PTPRM: variants seen among roughly 807,000 people sequenced by gnomAD.
The protein encoded by PTPRM is protein tyrosine phosphatase receptor type M.
PTPRM carries 47 observed loss-of-function variants against 186.7 expected under a neutral mutation model. The observed-to-expected ratio is 0.25, with a 90% CI of 0.20 to 0.32. PTPRM has a LOEUF of 0.32. Ranked by LOEUF, PTPRM falls within the 10% of genes least tolerant of loss-of-function variation. The pLI is 1.00. For synonymous variants in PTPRM, 668 were observed against 674.9 expected (o/e 0.99, Z 0.16); for missense variants, 1,494 against 1,865.0 (o/e 0.80, Z 3.66).
At chr18:8,023,584 A>G (rs999385829) in intron 7 of PTPRM, among the ~76,000 whole-genome samples, 7 of 152,154 alleles carry the variant, frequency 4.6e-5, no homozygotes, top group Non-Finnish European at 1.5e-5. Flanking sequence ...TTGGTACACA[A>G]ATAGTTTTAG....
At chr18:7,878,246 T>A (rs777654705) in intron 2 of PTPRM, among the ~76,000 whole-genome samples, 6 of 152,226 alleles carry the variant, frequency 3.9e-5, no homozygotes, top group South Asian at 2.1e-4. Flanking sequence ...GGTTAATTAA[T>A]CCAACAGATT....
chr18:8,219,364 G>T (rs1287938114), intron 14 of PTPRM, among the ~76,000 whole-genome samples: 1 of 152,086 alleles, frequency 6.6e-6, no homozygotes, highest in African/African-American at 2.4e-5. Flanking sequence ...CTACTCGGGA[G>T]GCTGAGGCAG....
At chr18:8,269,319 G>C (rs2094741182) in intron 19 of PTPRM, among the ~76,000 whole-genome samples, 1 of 151,694 alleles carries the variant, frequency 6.6e-6, no homozygotes, top group Non-Finnish European at 1.5e-5. Context: ...AAAATACTTA[G>C]AATAAATTTA....
chr18:8,380,418 T>A lies in PTPRM; in HGVS notation c.3909T>A (p.Asp1303Glu). 1 of 1,614,194 alleles carries A rather than the reference T, an allele frequency of 6.2e-7. No homozygotes were observed. Among genetic ancestry groups the A allele is most frequent in the Non-Finnish European group, 8.5e-7 (1 of 1,180,030 alleles). The change falls in exon 29 of 33, where the codon GAT (aspartate) becomes GAA (glutamate). Residue 1303 changes from aspartate to glutamate, a missense_variant. Coordinates refer to ENST00000580170, the MANE Select transcript of PTPRM (RefSeq NM_001105244.2). ...CCGTAGTTATGCTAAATGATGTGGA[T>A]CCTGCCCAGGTGAGACCCGGACTTC... The part of the protein sequence containing the change: ...CTSVVMLNDV[D>E]PAQLCPQYWP...
intron 11 of PTPRM, 132 bp downstream of exon 11, chr18:8,088,983 T>G: frequency 3.1e-6 from 2 of 636,684 alleles, no homozygotes; most frequent in Non-Finnish European, 5.4e-6. Flanking sequence ...TTATTAGCTC[T>G]AATTAAAAGT....
chr18:7,711,199 G>T (rs1336871645), intron 1 of PTPRM, among the ~76,000 whole-genome samples: 2 of 152,112 alleles, frequency 1.3e-5, no homozygotes, highest in Non-Finnish European at 2.9e-5. Flanking sequence ...AAACAGGGTG[G>T]GGCATTGCCT....
chr18:7,662,030 A>G (rs535159403), intron 1 of PTPRM, among the ~76,000 whole-genome samples: 1 of 152,252 alleles, frequency 6.6e-6, no homozygotes, highest in African/African-American at 2.4e-5. Context: ...TGATCCTCTC[A>G]TCTCAGTCTT....
intron 7 of PTPRM, among the ~76,000 whole-genome samples, chr18:8,049,174 T>A (rs1297730574): frequency 1.3e-5 from 2 of 152,356 alleles, no homozygotes; most frequent in East Asian, 3.9e-4. Context: ...ATCTATAGGA[T>A]GAATTGCAGC....
chr18:7,812,245 A>T (rs2044562484), intron 2 of PTPRM, among the ~76,000 whole-genome samples: 1 of 152,088 alleles, frequency 6.6e-6, no homozygotes, highest in Non-Finnish European at 1.5e-5. Context: ...TCCTTATTTC[A>T]GGTTTTCAAG....
In PTPRM at chr18:7,804,452, C is replaced by A. The variant is rs540275547; in HGVS notation, c.196+30181C>A. On this transcript the variant is annotated intron_variant, in intron 2 of 32. Coordinates refer to ENST00000580170, the MANE Select transcript of PTPRM (RefSeq NM_001105244.2). ...GTAAATAGCAGTATGTTTTGAGAGC[C>A]GGGCTCTGAGCTTTGTAACCAAAAT... Among the ~76,000 whole-genome samples the A allele has an allele frequency of 2.4e-4, 36 of 152,282 alleles. 1 individual carries two copies. In the South Asian group the frequency reaches 7.3e-3, roughly 31 times the overall value.
intron 7 of PTPRM, among the ~76,000 whole-genome samples, chr18:7,998,748 G>A (rs1216672217): frequency 3.3e-5 from 5 of 152,018 alleles, no homozygotes; most frequent in African/African-American, 9.7e-5. Context: ...TCCACCTCCC[G>A]GGTTTAAGTG....
intron 1 of PTPRM, among the ~76,000 whole-genome samples, chr18:7,747,290 C>G (rs2041015166): frequency 6.6e-6 from 1 of 152,166 alleles, no homozygotes; most frequent in Non-Finnish European, 1.5e-5. Flanking sequence ...TCTAGAGATG[C>G]ACCACATGGC....
At chr18:7,873,589 A>G (rs1034762848) in intron 2 of PTPRM, among the ~76,000 whole-genome samples, 4 of 152,200 alleles carry the variant, frequency 2.6e-5, no homozygotes, top group Non-Finnish European at 5.9e-5. Context: ...AACAAGAGCA[A>G]CAGTAACACC....
intron 7 of PTPRM, among the ~76,000 whole-genome samples, chr18:8,044,504 G>A (rs1357729838): frequency 6.6e-6 from 1 of 152,052 alleles, no homozygotes; most frequent in Non-Finnish European, 1.5e-5. Context: ...TGTTGTGCCT[G>A]TAATCACTTT....
intron 1 of PTPRM, among the ~76,000 whole-genome samples, chr18:7,711,939 A>C (rs940231937): frequency 5.3e-5 from 8 of 152,154 alleles, no homozygotes; most frequent in Admixed American, 5.2e-4. Flanking sequence ...TCCTGATGGA[A>C]CTGAAGAGAG....
At chr18:7,606,369 C>T (rs1414793251) in intron 1 of PTPRM, among the ~76,000 whole-genome samples, 4 of 152,076 alleles carry the variant, frequency 2.6e-5, no homozygotes, top group South Asian at 2.1e-4. Flanking sequence ...CTTGGATGGG[C>T]GGGGCCAGAT....
chr18:7,761,321 C>T (rs1420811319), intron 1 of PTPRM, among the ~76,000 whole-genome samples: 2 of 152,242 alleles, frequency 1.3e-5, no homozygotes, highest in South Asian at 2.1e-4. Flanking sequence ...GTATTAACTA[C>T]TTGTATGTTT....
intron 2 of PTPRM, among the ~76,000 whole-genome samples, chr18:7,810,729 G>C (rs1389744702): frequency 6.6e-6 from 1 of 152,132 alleles, no homozygotes; most frequent in Non-Finnish European, 1.5e-5. Flanking sequence ...AATGTCTCAT[G>C]TATGTAACCT....
intron 9 of PTPRM, among the ~76,000 whole-genome samples, chr18:8,085,344 A>G (rs756606163): frequency 3.9e-5 from 6 of 152,018 alleles, no homozygotes; most frequent in Non-Finnish European, 5.9e-5. Context: ...CTAGTTGTAT[A>G]TTTTCTTATT....
Sources: gnomAD v4.1 joint callset for allele counts (sites outside exome capture counted in the v4.1 genomes callset) on GRCh38, gnomAD v4.1.1 for gene constraint, MANE v1.5 for transcripts, NCBI Gene and HGNC (gene_info 2026-07-23, HGNC 2026-07-21) for gene names.